KLHDC4: variants seen among roughly 807,000 people sequenced by gnomAD.
KLHDC4 encodes kelch domain containing 4.
In KLHDC4, 90 loss-of-function variants were observed where a neutral mutation model predicts 62.4. The ratio of observed to expected loss-of-function variants is 1.44; its 90% CI spans 1.22 to 1.72. KLHDC4 has a LOEUF of 1.72. Among genes scored for constraint, KLHDC4 ranks in the 40% most tolerant of loss-of-function variants. The pLI, the probability that KLHDC4 is intolerant of heterozygous loss-of-function variation, is 0.00. For synonymous variants in KLHDC4, 386 were observed against 284.4 expected, an observed-to-expected ratio of 1.36 and a Z score of -3.59; for missense variants, 1,025 against 699.7, an observed-to-expected ratio of 1.47 and a Z score of -5.25.
chr16:87,709,559 C>T lies in KLHDC4; in HGVS notation c.1153G>A (p.Val385Ile). 6.2e-7 allele frequency: 1 copy of T among 1,613,052 alleles called. No homozygotes were observed. Among genetic ancestry groups the T allele is most frequent in the Non-Finnish European group, 8.5e-7 (1 of 1,179,986 alleles). Residue 385 changes from valine to isoleucine, a missense_variant, in exon 10 of 12, where the codon GTC becomes ATC. Transcript: ENST00000270583. ...CCATCCTCGGCCACCACCTCCTTGACCAGCTGCACAGGCCCCTGGGTGCCA... is the reference window on the plus strand; with the variant it reads ...CCATCCTCGGCCACCACCTCCTTGATCAGCTGCACAGGCCCCTGGGTGCCA... ...GAGTQGPVQL[V>I]KEVVAEDGTV...
rs552130371 is a variant in KLHDC4 at position 87,714,134 on chromosome 16, G to A, written c.835+364C>T. On this transcript the variant is annotated intron_variant, in intron 8 of 11. Transcript: ENST00000270583. ...CAGGCAGCCCCAGTGACTCCTGGTG[G>A]CTTGTACTCAAGGCCCAGGATGGTT... 5.3e-5 allele frequency among the ~76,000 whole-genome samples: 8 copies of A among 152,294 alleles called. No homozygotes were observed. The South Asian group carries it at 1.7e-3, about 32-fold the overall frequency.
intron 10 of KLHDC4, among the ~76,000 whole-genome samples, chr16:87,708,855 G>A (rs975092863): frequency 1.3e-5 from 2 of 152,196 alleles, no homozygotes; most frequent in African/African-American, 2.4e-5. Flanking sequence ...ATGGTGACTC[G>A]ATCCCAGCAG....
At chr16:87,751,582 T>C (rs1021711547) in intron 4 of KLHDC4, among the ~76,000 whole-genome samples, 13 of 152,286 alleles carry the variant, frequency 8.5e-5, no homozygotes, top group African/African-American at 3.1e-4. Flanking sequence ...ATTCTTTTCA[T>C]TTTTTTCAGA....
At chr16:87,745,264 C>G (rs1171901293) in intron 5 of KLHDC4, among the ~76,000 whole-genome samples, 3 of 151,684 alleles carry the variant, frequency 2.0e-5, no homozygotes, top group Non-Finnish European at 4.4e-5. Context: ...AGGGTGCCCT[C>G]TGCTCCGCCT....
At chr16:87,699,595 A>C (rs943861844) in exon 1 of KLHDC4, 2 of 152,374 alleles carry the variant, frequency 1.3e-5, no homozygotes, top group Non-Finnish European at 2.9e-5. Flanking sequence ...GCTACTGAGG[A>C]GGCTGAGGCA....
rs186369636 is a variant in KLHDC4 at position 87,751,683 on chromosome 16, C to A, written c.370-2874G>T. ...CCTGTAACCCCAACACTGTGGGAGG[C>A]TCATGTGGGAGGATTGCTTGAGCCC... On this transcript the variant is annotated intron_variant, in intron 4 of 11. Transcript: ENST00000270583. 6.6e-5 allele frequency among the ~76,000 whole-genome samples: 10 copies of A among 152,182 alleles called. No individual in the cohort carries two copies. The East Asian group carries it at 1.9e-3, about 29-fold the overall frequency.
At chr16:87,754,934 G>A (rs984879606) in intron 4 of KLHDC4, among the ~76,000 whole-genome samples, 6 of 152,228 alleles carry the variant, frequency 3.9e-5, no homozygotes, top group South Asian at 2.1e-4. Context: ...CAGTGGCTGC[G>A]ACACACCAGG....
At chr16:87,702,056 C>T (rs192252545) in exon 1 of KLHDC4, 1 of 456,324 alleles carries the variant, frequency 2.2e-6, no homozygotes, top group East Asian at 7.0e-5. Context: ...CTGGTGACCC[C>T]AGGCTGCTGT....
At chr16:87,761,908 A>G (rs748891345) in intron 2 of KLHDC4, 41 bp downstream of exon 2, 4 of 1,590,924 alleles carry the variant, frequency 2.5e-6, no homozygotes, top group Non-Finnish European at 3.4e-6. Context: ...AATGTATAGA[A>G]GAAAAGGAAA....
chr16:87,759,399 C>G (rs936404138), intron 2 of KLHDC4, among the ~76,000 whole-genome samples: 4 of 144,200 alleles, frequency 2.8e-5, no homozygotes, highest in African/African-American at 1.0e-4. Context: ...GCCTGGGCAA[C>G]AAAAGCAAAA....
At chr16:87,756,360 A>T in intron 3 of KLHDC4, 39 bp downstream of exon 3, 1 of 1,431,898 alleles carries the variant, frequency 7.0e-7, no homozygotes, top group Non-Finnish European at 9.8e-7. Context: ...AATGATACTC[A>T]CGCAACATGG....
At chr16:87,756,521 A>C in intron 2 of KLHDC4, 44 bp from the exon 3 acceptor site, 1 of 1,430,050 alleles carries the variant, frequency 7.0e-7, no homozygotes, top group Non-Finnish European at 9.9e-7. Context: ...CACCCCCGAT[A>C]CCCACCTGAG....
intron 7 of KLHDC4, among the ~76,000 whole-genome samples, chr16:87,721,374 A>C (rs749087019): frequency 1.1e-3 from 157 of 144,160 alleles, no homozygotes; most frequent in Non-Finnish European, 2.0e-3. Flanking sequence ...AGATTGCCCC[A>C]CTGCACTCCA....
rs1412505133 is a variant in KLHDC4, at chr16:87,711,319, C to T, written c.960G>A (p.Glu320=). ...AGAACTCGCCCGACAGGCTCTCCTC[C>T]TCTTCCTCGTCACAGACACCCCCGA... The part of the protein sequence containing the change: ...LFFGGVCDEE[E]EESLSGEFFN... The change falls in exon 9 of 12, where the codon GAG becomes GAA. Residue 320 remains glutamate (E), a synonymous_variant. Coordinates refer to ENST00000270583, the MANE Select transcript of KLHDC4 (RefSeq NM_017566.4). The T allele has an allele frequency of 2.5e-6, 4 of 1,614,122 alleles. No homozygotes were observed. The South Asian group carries it at 4.4e-5, about 18-fold the overall frequency.
At chr16:87,713,762 GT>G (rs2036364723) in intron 8 of KLHDC4, among the ~76,000 whole-genome samples, 1 of 152,224 alleles carries the variant, frequency 6.6e-6, no homozygotes, top group Non-Finnish European at 1.5e-5. Flanking sequence ...CCAGAGCCAT[GT>G]AAAGGGCTGT....
chr16:87,744,820 C>T (rs534824561), intron 5 of KLHDC4, among the ~76,000 whole-genome samples: 46 of 152,206 alleles, frequency 3.0e-4, no homozygotes, highest in African/African-American at 1.0e-3. Context: ...ACAGTGTGCA[C>T]GCACCAGGTT....
chr16:87,745,190 A>T (rs1417722440), intron 5 of KLHDC4, among the ~76,000 whole-genome samples: 1 of 152,026 alleles, frequency 6.6e-6, no homozygotes, highest in Non-Finnish European at 1.5e-5. Flanking sequence ...TGTTCTCTCC[A>T]CCCTCACCCT....
At chr16:87,727,928 G>A (rs777857146) in intron 6 of KLHDC4, among the ~76,000 whole-genome samples, 1 of 152,156 alleles carries the variant, frequency 6.6e-6, no homozygotes, top group Non-Finnish European at 1.5e-5. Flanking sequence ...GCTCACACCT[G>A]CAATCCCAGC....
intron 7 of KLHDC4, among the ~76,000 whole-genome samples, chr16:87,721,704 T>C (rs2038383410): frequency 6.6e-6 from 1 of 152,126 alleles, no homozygotes; most frequent in Non-Finnish European, 1.5e-5. Context: ...AAGTGGCAAA[T>C]GAAAGGACGC....
Sources: allele counts gnomAD v4.1 joint callset (sites outside exome capture counted in the v4.1 genomes callset), GRCh38; gene constraint gnomAD v4.1.1; transcripts MANE v1.5; gene names NCBI Gene and HGNC (gene_info 2026-07-23, HGNC 2026-07-21).